The following DENND1A variants were observed in gnomAD, a reference collection of about 807,000 sequenced individuals.
DENND1A encodes DENN domain containing 1A.
DENND1A carries 51 observed loss-of-function variants against 113.7 expected under a neutral mutation model. The observed-to-expected ratio is 0.45, with a 90% CI of 0.36 to 0.57. The LOEUF (loss-of-function observed/expected upper bound fraction) is 0.57, where lower values mean the gene tolerates loss of function less well. Ranked by LOEUF, DENND1A falls within the 20% of genes least tolerant of loss-of-function variation. DENND1A has a pLI of 0.00. For synonymous variants in DENND1A, 565 were observed against 570.8 expected, an observed-to-expected ratio of 0.99 and a Z score of 0.14; for missense variants, 1,258 against 1,395.9, an observed-to-expected ratio of 0.90 and a Z score of 1.57.
intron 10 of DENND1A, among the ~76,000 whole-genome samples, chr9:123,627,421 A>G (rs914955529): frequency 1.3e-5 from 2 of 152,214 alleles, no homozygotes; most frequent in South Asian, 2.1e-4. Flanking sequence ...AGACATGGCC[A>G]GCATCGGGAA....
intron 2 of DENND1A, among the ~76,000 whole-genome samples, chr9:123,869,920 AG>A (rs1846280043): frequency 6.6e-6 from 1 of 150,608 alleles, no homozygotes; most frequent in Admixed American, 6.6e-5. Context: ...TAAGTCTGGA[AG>A]GTCAAAGCTG....
chr9:123,510,608 G>A (rs944546791), intron 13 of DENND1A, among the ~76,000 whole-genome samples: 2 of 152,178 alleles, frequency 1.3e-5, no homozygotes, highest in African/African-American at 4.8e-5. Flanking sequence ...AGAGTGAGAT[G>A]TGACCCAGGC....
At chr9:123,523,843 T>C (rs146183658) in intron 13 of DENND1A, among the ~76,000 whole-genome samples, 14 of 152,340 alleles carry the variant, frequency 9.2e-5, no homozygotes, top group African/African-American at 3.4e-4. Context: ...ATCAATATTA[T>C]AGTTGATAAG....
At chr9:123,905,387 C>T (rs1852593275) in intron 1 of DENND1A, among the ~76,000 whole-genome samples, 1 of 147,696 alleles carries the variant, frequency 6.8e-6, no homozygotes, top group African/African-American at 2.6e-5. Context: ...GGACTAAATG[C>T]TCCAATTAAA....
At chr9:123,643,508 C>G (rs1432656590) in intron 9 of DENND1A, among the ~76,000 whole-genome samples, 1 of 152,086 alleles carries the variant, frequency 6.6e-6, no homozygotes, top group Non-Finnish European at 1.5e-5. Context: ...TGATTAGGAC[C>G]AAGATACACT....
intron 3 of DENND1A, among the ~76,000 whole-genome samples, chr9:123,778,254 C>T (rs1590046999): frequency 6.6e-6 from 1 of 152,144 alleles, no homozygotes; most frequent in South Asian, 2.1e-4. Flanking sequence ...CTAGTGTTTA[C>T]CTGAGGCTGC....
chr9:123,484,668 TGCACAAG>T (rs1308260436), intron 13 of DENND1A, among the ~76,000 whole-genome samples: 1 of 152,230 alleles, frequency 6.6e-6, no homozygotes, highest in Non-Finnish European at 1.5e-5. Flanking sequence ...GGTCTACGAA[TGCACAAG>T]GCATTCAGTT....
At chr9:123,754,243 C>G (rs2070327310) in intron 5 of DENND1A, among the ~76,000 whole-genome samples, 1 of 152,180 alleles carries the variant, frequency 6.6e-6, no homozygotes, top group Non-Finnish European at 1.5e-5. Context: ...AAACTGAGCT[C>G]TCATTCTCTT....
At chr9:123,904,368 G>C (rs1852353660) in intron 1 of DENND1A, among the ~76,000 whole-genome samples, 1 of 151,908 alleles carries the variant, frequency 6.6e-6, no homozygotes, top group Admixed American at 6.6e-5. Flanking sequence ...GCTGGATGGA[G>C]AATGACTTTG....
At chr9:123,562,406 T>A (rs896066798) in intron 12 of DENND1A, among the ~76,000 whole-genome samples, 12 of 152,056 alleles carry the variant, frequency 7.9e-5, no homozygotes, top group Non-Finnish European at 1.5e-4. Context: ...TTATCCCGCA[T>A]CCTCACCAGG....
chr9:123,655,238 C>A (rs12377523), intron 8 of DENND1A, among the ~76,000 whole-genome samples: 36,009 of 151,994 alleles, frequency 0.24, 4,730 homozygotes, highest in Admixed American at 0.28. Context: ...TATGTTTTTG[C>A]CACGAGACGG....
At chr9:123,444,021 G>A (rs894404402) in intron 18 of DENND1A, among the ~76,000 whole-genome samples, 1 of 152,228 alleles carries the variant, frequency 6.6e-6, no homozygotes, top group South Asian at 2.1e-4. Context: ...GATCTTATAC[G>A]TAGTAGGGAG....
chr9:123,594,073 T>C (rs1448556509), intron 11 of DENND1A, among the ~76,000 whole-genome samples: 2 of 152,230 alleles, frequency 1.3e-5, no homozygotes, highest in South Asian at 4.1e-4. Flanking sequence ...TGCAGAACCC[T>C]GAGCCAATTA....
Position 123,728,721 on chromosome 9 carries a change from T to C in DENND1A, c.302+28982A>G, listed in dbSNP as rs374639886. Among the ~76,000 whole-genome samples, 4 of 152,222 alleles carry C rather than the reference T, an allele frequency of 2.6e-5. No individual in the cohort carries two copies. The East Asian group carries it at 5.8e-4, about 22-fold the overall frequency. Reference sequence around the variant, plus strand: ...TGCTATCTGATTTGAAGAATTACTATGATGCCACGATTAAGACAGTATAGT... The same window carrying C: ...TGCTATCTGATTTGAAGAATTACTACGATGCCACGATTAAGACAGTATAGT... On this transcript the variant is annotated intron_variant, in intron 5 of 23. Coordinates refer to ENST00000394215, the MANE Select transcript of DENND1A (RefSeq NM_001352964.2).
At chr9:123,460,074 T>C (rs897613096) in intron 13 of DENND1A, among the ~76,000 whole-genome samples, 3 of 152,182 alleles carry the variant, frequency 2.0e-5, no homozygotes, top group Admixed American at 2.0e-4. Context: ...GTATGTCCTA[T>C]GTGGCATCTA....
At chr9:123,502,762 C>T (rs1162201089) in intron 13 of DENND1A, among the ~76,000 whole-genome samples, 1 of 152,220 alleles carries the variant, frequency 6.6e-6, no homozygotes, top group Admixed American at 6.5e-5. Flanking sequence ...ATTGCTAAAA[C>T]CAGTGTCGTG....
chr9:123,432,699 G>A (rs971753777), intron 19 of DENND1A, among the ~76,000 whole-genome samples: 16 of 152,248 alleles, frequency 1.1e-4, no homozygotes, highest in African/African-American at 1.7e-4. Flanking sequence ...CTGTGGGCGC[G>A]TGACTGGGAT....
rs144297377 is a variant in DENND1A, at chr9:123,454,057, G to A, written c.1227+682C>T. Reference sequence around the variant, plus strand: ...ACTCGCCTGGCAGCAGTGCACTGACGCATTAGCAGGAGGGAACACTTATCA... The same window carrying A: ...ACTCGCCTGGCAGCAGTGCACTGACACATTAGCAGGAGGGAACACTTATCA... On this transcript the variant is annotated intron_variant, in intron 16 of 23. Coordinates refer to ENST00000394215, the MANE Select transcript of DENND1A (RefSeq NM_001352964.2). Among the ~76,000 whole-genome samples, 460 of 152,306 alleles carry A rather than the reference G, an allele frequency of 3.0e-3. 1 individual carries two copies. The highest frequency in any genetic ancestry group is 6.3e-3 in the Admixed American group (96 of 15,296).
chr9:123,903,380 G>C (rs1009394050), intron 1 of DENND1A, among the ~76,000 whole-genome samples: 3 of 144,534 alleles, frequency 2.1e-5, no homozygotes, highest in Admixed American at 6.8e-5. Flanking sequence ...GAAGATGGCC[G>C]AACAGGAACA....
Sources: allele counts gnomAD v4.1 joint callset (sites outside exome capture counted in the v4.1 genomes callset), GRCh38; gene constraint gnomAD v4.1.1; transcripts MANE v1.5; gene names NCBI Gene and HGNC (gene_info 2026-07-23, HGNC 2026-07-21).